The following MICU1 variants were observed in gnomAD, a reference collection of about 807,000 sequenced individuals.
MICU1 encodes the protein mitochondrial calcium uptake 1, also known as calcium uptake protein 1, mitochondrial.
MICU1 carries 45 observed loss-of-function variants against 56.8 expected under a neutral mutation model. That is an observed-to-expected ratio of 0.79 (90% CI 0.62 to 1.02). The LOEUF is 1.02. Among genes scored for constraint, MICU1 ranks in the 50% least tolerant of loss-of-function variants. The pLI is 0.00. For synonymous variants in MICU1, 186 were observed against 195.1 expected, an observed-to-expected ratio of 0.95 and a Z score of 0.39; for missense variants, 504 against 587.1, an observed-to-expected ratio of 0.86 and a Z score of 1.46.
chr10:72,606,670 G>T (rs1287486917), intron 1 of MICU1, among the ~76,000 whole-genome samples: 3 of 151,986 alleles, frequency 2.0e-5, no homozygotes, highest in Non-Finnish European at 2.9e-5. Context: ...CCTCTGAAGT[G>T]ATGTGACTTT....
chr10:72,376,968 C>T lies in MICU1; in HGVS notation c.1181-1096G>A, dbSNP rs538945306. On this transcript the variant is annotated intron_variant, in intron 10 of 11. Transcript: ENST00000361114. ...GTGGTGTGAGTACACTAAGGCTTCA[C>T]GCCTTGGTGGGTGAATGACAGCTAA... Among the ~76,000 whole-genome samples the T allele has an allele frequency of 1.4e-4, 22 of 152,094 alleles. No individual in the cohort carries two copies. The South Asian group carries it at 4.2e-3, about 29-fold the overall frequency.
rs377575638 is a variant in MICU1 at position 72,567,108 on chromosome 10, G to A, written c.-1-314C>T. 5.9e-5 allele frequency among the ~76,000 whole-genome samples: 9 copies of A among 152,038 alleles called. No homozygotes were observed. The East Asian group carries it at 1.2e-3, about 20-fold the overall frequency. The stretch of plus-strand genomic sequence containing the variant: ...TCATGCCTGTAATCTTAGCACTTTG[G>A]GAGGCCAAAGAGAGAGGATCATTTG... On this transcript the variant is annotated intron_variant, in intron 1 of 11. Coordinates refer to ENST00000361114, the MANE Select transcript of MICU1 (RefSeq NM_001195518.2).
At chr10:72,599,454 T>C (rs1219277816) in intron 1 of MICU1, among the ~76,000 whole-genome samples, 4 of 152,282 alleles carry the variant, frequency 2.6e-5, no homozygotes, top group Middle Eastern at 3.4e-3. Context: ...ACCTGGAACA[T>C]GAATCATCCC....
At chr10:72,507,831 T>G (rs769163055) in intron 6 of MICU1, among the ~76,000 whole-genome samples, 12 of 152,184 alleles carry the variant, frequency 7.9e-5, no homozygotes, top group Non-Finnish European at 1.5e-4. Flanking sequence ...TTGCCCAGGC[T>G]GGTCTTGAAC....
chr10:72,529,592 T>G (rs576794717), intron 5 of MICU1, among the ~76,000 whole-genome samples: 1 of 152,160 alleles, frequency 6.6e-6, no homozygotes, highest in South Asian at 2.1e-4. Context: ...GTCTATTACA[T>G]GCAATAGAAA....
intron 6 of MICU1, chr10:72,477,489 C>T (rs1866160294): frequency 6.5e-7 from 1 of 1,534,192 alleles, no homozygotes; most frequent in Non-Finnish European, 8.7e-7. Context: ...CAGCACTTGT[C>T]TACCTTTTTG....
intron 4 of MICU1, among the ~76,000 whole-genome samples, chr10:72,537,025 A>T (rs2132417699): frequency 6.6e-6 from 1 of 152,298 alleles, no homozygotes; most frequent in South Asian, 2.1e-4. Flanking sequence ...GAACACATTT[A>T]TGTTTTATAT....
intron 6 of MICU1, among the ~76,000 whole-genome samples, chr10:72,499,677 C>T (rs990972885): frequency 3.3e-5 from 5 of 152,208 alleles, no homozygotes; most frequent in African/African-American, 9.7e-5. Flanking sequence ...TTCTGTGTAA[C>T]TTCCCCAACT....
chr10:72,435,017 T>C (rs752891867), intron 8 of MICU1, among the ~76,000 whole-genome samples: 58 of 113,598 alleles, frequency 5.1e-4, no homozygotes, highest in Non-Finnish European at 1.8e-4. Context: ...AATTAAGATA[T>C]AGGATTTACT....
intron 8 of MICU1, among the ~76,000 whole-genome samples, chr10:72,464,720 T>C (rs1865738436): frequency 1.3e-5 from 2 of 152,216 alleles, no homozygotes; most frequent in Admixed American, 1.3e-4. Flanking sequence ...TACATAACTA[T>C]ATAGTATTTT....
chr10:72,611,668 G>C (rs1254603779), intron 1 of MICU1, among the ~76,000 whole-genome samples: 1 of 152,088 alleles, frequency 6.6e-6, no homozygotes, highest in Non-Finnish European at 1.5e-5. Context: ...ACCCAGTTTT[G>C]ACGAGAGGTA....
chr10:72,466,558 T>A (rs1034873704), intron 8 of MICU1, among the ~76,000 whole-genome samples: 1 of 152,216 alleles, frequency 6.6e-6, no homozygotes, highest in African/African-American at 2.4e-5. Flanking sequence ...AAAGGAAATG[T>A]CATTGAACAT....
chr10:72,550,048 T>C (rs1448594622), intron 4 of MICU1, among the ~76,000 whole-genome samples: 2 of 152,020 alleles, frequency 1.3e-5, no homozygotes, highest in Non-Finnish European at 2.9e-5. Flanking sequence ...GGCGGTCCCA[T>C]AAGATTATAA....
chr10:72,559,551 C>A (rs902216277), intron 3 of MICU1, among the ~76,000 whole-genome samples: 6 of 152,008 alleles, frequency 3.9e-5, no homozygotes, highest in African/African-American at 1.4e-4. Flanking sequence ...GAGGGCCGGG[C>A]ACAGTGGCTC....
chr10:72,548,022 T>G (rs1212091529), intron 4 of MICU1, among the ~76,000 whole-genome samples: 2 of 152,222 alleles, frequency 1.3e-5, no homozygotes, highest in Non-Finnish European at 2.9e-5. Context: ...TTCTCAGCAG[T>G]AAGTGTTAAT....
chr10:72,572,013 A>G (rs905843455), intron 1 of MICU1, among the ~76,000 whole-genome samples: 4 of 128,588 alleles, frequency 3.1e-5, no homozygotes, highest in African/African-American at 1.5e-4. Context: ...GTACTATGGT[A>G]AAAAAAAAAA....
At chr10:72,495,953 C>G (rs1866826342) in intron 6 of MICU1, among the ~76,000 whole-genome samples, 1 of 151,668 alleles carries the variant, frequency 6.6e-6, no homozygotes, top group Non-Finnish European at 1.5e-5. Flanking sequence ...GGTATTCATA[C>G]TAAGTCATCA....
chr10:72,553,226 C>A (rs991631512), intron 3 of MICU1, among the ~76,000 whole-genome samples: 5 of 141,118 alleles, frequency 3.5e-5, no homozygotes, highest in Non-Finnish European at 7.7e-5. Context: ...AGAAGAAATA[C>A]CTTTCTTCTT....
At chr10:72,552,070 C>A (rs1232736405) in intron 3 of MICU1, among the ~76,000 whole-genome samples, 1 of 152,144 alleles carries the variant, frequency 6.6e-6, no homozygotes, top group Non-Finnish European at 1.5e-5. Flanking sequence ...AAAGTACATT[C>A]AATGATGGCA....
Sources: allele counts gnomAD v4.1 joint callset (sites outside exome capture counted in the v4.1 genomes callset), GRCh38; gene constraint gnomAD v4.1.1; transcripts MANE v1.5; gene names NCBI Gene and HGNC (gene_info 2026-07-23, HGNC 2026-07-21).